C9orf43: variants seen among roughly 807,000 people sequenced by gnomAD.
C9orf43 encodes chromosome 9 open reading frame 43.
C9orf43 carries 45 observed loss-of-function variants against 59.1 expected under a neutral mutation model. The ratio of observed to expected loss-of-function variants is 0.76; its 90% CI spans 0.60 to 0.98. C9orf43 has a LOEUF of 0.98. Among genes scored for constraint, C9orf43 ranks in the 50% least tolerant of loss-of-function variants. The pLI is 0.00. For synonymous variants in C9orf43, 203 were observed against 196.8 expected (o/e 1.03, Z -0.26); for missense variants, 533 against 554.9 (o/e 0.96, Z 0.40).
At position 113,429,527 on chromosome 9, in the gene C9orf43, G is replaced by A; in HGVS notation, c.*141G>A. 1.5e-6 allele frequency: 1 copy of A among 666,854 alleles called. No homozygotes were observed. Among genetic ancestry groups the A allele is most frequent in the South Asian group, 1.9e-5 (1 of 51,412 alleles). The allele number at this position is 666,854 out of a possible 1,614,324, so 41.3% of individuals were successfully genotyped here. On this transcript the variant is annotated 3_prime_UTR_variant, in exon 14 of 14. Transcript: ENST00000374165. ...TCTGCTCTCTGGAGCCTTTACCAGG[G>A]CCTGAGCTCTGAGCTTAGGGATTCC... is the stretch of plus-strand genomic sequence containing the variant.
rs573828696 is a variant in C9orf43 at position 113,425,722 on chromosome 9, G to A, written c.1022G>A (p.Arg341His). The change falls in exon 11 of 14, where the codon CGT becomes CAT. Residue 341 changes from arginine (R) to histidine (H), a missense_variant. Transcript: ENST00000374165. ...CATCCAGTTACCACCGTTCATGACCGTCTCTATGGTAAGGGGAATATATGC... is the reference window on the plus strand; with the variant it reads ...CATCCAGTTACCACCGTTCATGACCATCTCTATGGTAAGGGGAATATATGC... ...HKHPVTTVHDRLYGYRTLPGQ... is the reference protein window; with the variant it reads ...HKHPVTTVHDHLYGYRTLPGQ... 2.7e-5 allele frequency: 44 copies of A among 1,612,378 alleles called. No homozygotes were observed. Among genetic ancestry groups the A allele is most frequent in the South Asian group, 2.6e-4 (24 of 91,046 alleles).
intron 4 of C9orf43, 44 bp from the exon 5 acceptor site, chr9:113,421,059 C>T (rs1269964034): frequency 6.2e-6 from 9 of 1,450,712 alleles, no homozygotes; most frequent in African/African-American, 1.4e-5. Flanking sequence ...GATATAGGAG[C>T]TTAGCACCTC....
chr9:113,423,398 G>C lies in C9orf43; in HGVS notation c.556G>C (p.Val186Leu). 1 of 1,614,070 alleles carries C rather than the reference G, an allele frequency of 6.2e-7. No individual in the cohort carries two copies. ...GTRVGTPGMIVPPPTPVQLSE... is the reference protein window; with the variant it reads ...GTRVGTPGMILPPPTPVQLSE... The stretch of plus-strand genomic sequence containing the variant: ...ACGAGTAGGAACACCAGGGATGATC[G>C]TGCCTCCCCCAACCCCAGTGCAATT... Residue 186 changes from valine (V) to leucine (L), a missense_variant, in exon 7 of 14, where the codon GTG (valine) becomes CTG (leucine). By Grantham distance (32) the Val-to-Leu change is conservative. Transcript: ENST00000374165.
rs72760093 is a variant in C9orf43, at chr9:113,428,889, A to G, written c.1108-11A>G. 0.087 allele frequency: 139,201 copies of G among 1,608,798 alleles called. 7,039 individuals carry two copies. The highest frequency in any genetic ancestry group is 0.095 in the Non-Finnish European group (111,763 of 1,175,142). ...TTGATTCAAATTTCCTTATACCCCA[A>G]TGAATTTCAGGATTCCACGGAGAGA... On this transcript the variant is annotated splice_polypyrimidine_tract_variant and intron_variant, in intron 12 of 13. Transcript: ENST00000374165.
intron 7 of C9orf43, 113 bp downstream of exon 7, chr9:113,423,611 C>A: frequency 1.0e-6 from 1 of 1,004,000 alleles, no homozygotes; most frequent in Admixed American, 2.6e-5. Flanking sequence ...ACTATCACCC[C>A]GATTTGTTTA....
chr9:113,419,059 C>T, intron 3 of C9orf43, 49 bp from the exon 4 acceptor site: 1 of 1,461,738 alleles, frequency 6.8e-7, no homozygotes, highest in South Asian at 1.2e-5. Context: ...CGTTATCATT[C>T]CAATAAGTCT....
At chr9:113,418,936 T>C (rs1283071796) in intron 3 of C9orf43, among the ~76,000 whole-genome samples, 172 bp from the exon 4 acceptor site, 1 of 152,236 alleles carries the variant, frequency 6.6e-6, no homozygotes, top group Non-Finnish European at 1.5e-5. Flanking sequence ...TAAGGAGCTG[T>C]TCCGGGAAAA....
rs1259217108 is a variant in C9orf43 at position 113,420,714 on chromosome 9, A to G, written c.346-389A>G. 26 of 972,926 alleles carry G rather than the reference A, an allele frequency of 2.7e-5. No individual in the cohort carries two copies. The South Asian group carries it at 5.2e-4, about 20-fold the overall frequency. The allele number at this position is 972,926 out of a possible 1,614,324, so 60.3% of individuals were successfully genotyped here. ...AAGAAAACACCTTGCTTCTGTTTCT[A>G]TCAGTTCTCTTCCTGCTCCCAAACT... On this transcript the variant is annotated intron_variant, in intron 4 of 13. Transcript: ENST00000374165.
At chr9:113,426,298 A>G (rs7870451) in intron 11 of C9orf43, among the ~76,000 whole-genome samples, 18,488 of 152,112 alleles carry the variant, frequency 0.12, 1,330 homozygotes, top group African/African-American at 0.19. Flanking sequence ...GCTGGACACA[A>G]GAATGGACAT....
chr9:113,424,479 C>T lies in C9orf43; in HGVS notation c.807+163C>T, dbSNP rs1226369073. On this transcript the variant is annotated intron_variant, in intron 8 of 13. Coordinates refer to ENST00000374165, the MANE Select transcript of C9orf43 (RefSeq NM_001278629.2). ...GGGCTCTATGTATGTAAAAGCCAGTCGATGGGGAAGTGTTGAGAGAGCAAT... is the reference window on the plus strand; with the variant it reads ...GGGCTCTATGTATGTAAAAGCCAGTTGATGGGGAAGTGTTGAGAGAGCAAT... Among the ~76,000 whole-genome samples the T allele has an allele frequency of 2.0e-5, 3 of 151,298 alleles. No homozygotes were observed. The East Asian group carries it at 5.8e-4, about 29-fold the overall frequency.
intron 4 of C9orf43, 152 bp downstream of exon 4, chr9:113,419,317 A>G (rs1192260420): frequency 3.3e-6 from 2 of 612,126 alleles, no homozygotes; most frequent in Non-Finnish European, 5.7e-6. Context: ...CCCTTCCTGT[A>G]TGCTAGACTC....
At chr9:113,428,640 A>G (rs1044959282) in intron 12 of C9orf43, among the ~76,000 whole-genome samples, 2 of 152,158 alleles carry the variant, frequency 1.3e-5, no homozygotes, top group Admixed American at 1.3e-4. Context: ...TGCATACCAG[A>G]ATGGGAGGAA....
rs757185709 is a variant in C9orf43 at position 113,425,003 on chromosome 9, T to C, written c.808-16T>C. ...ACCTGCAGTAGAGCTTTTCTTTTTC[T>C]TTTTTCTTTCTCCAGAGACCAGCAC... On this transcript the variant is annotated splice_polypyrimidine_tract_variant and intron_variant, in intron 8 of 13. Transcript: ENST00000374165. 3.0e-5 allele frequency: 49 copies of C among 1,606,574 alleles called. No homozygotes were observed. Among genetic ancestry groups the C allele is most frequent in the Non-Finnish European group, 4.1e-5 (48 of 1,178,984 alleles).
chr9:113,424,346 C>G, intron 8 of C9orf43, 30 bp downstream of exon 8: 1 of 1,571,766 alleles, frequency 6.4e-7, no homozygotes, highest in Non-Finnish European at 8.6e-7. Context: ...AGGGAAGAAG[C>G]CTATGTGAAA....
Position 113,410,956 on chromosome 9 carries a change from G to A in C9orf43, c.-95G>A. ...GTCTTTTTCCATCTCTACCGAAGTT[G>A]ATGTTCATTTTTAATCTTTTCGCCC... On this transcript the variant is annotated 5_prime_UTR_variant, in exon 1 of 14. An upstream open reading frame in the 5' UTR loses its in-frame stop. Transcript: ENST00000374165. 1.0e-6 allele frequency: 1 copy of A among 986,336 alleles called. No homozygotes were observed. The highest frequency in any genetic ancestry group is 1.2e-6 in the Non-Finnish European group (1 of 830,488). 61.1% of individuals were successfully genotyped at this position (986,336 alleles called of 1,614,324 possible).
Position 113,429,509 on chromosome 9 carries a change from T to G in C9orf43, c.*123T>G. On this transcript the variant is annotated 3_prime_UTR_variant, in exon 14 of 14. Coordinates refer to ENST00000374165, the MANE Select transcript of C9orf43 (RefSeq NM_001278629.2). ...GGCAAGAGGAGAGGGGCTTCTGCTC[T>G]CTGGAGCCTTTACCAGGGCCTGAGC... 2 of 753,252 alleles carry G rather than the reference T, an allele frequency of 2.7e-6. No individual in the cohort carries two copies. The highest frequency in any genetic ancestry group is 4.3e-6 in the Non-Finnish European group (2 of 460,086). The allele number at this position is 753,252 out of a possible 1,614,324, so 46.7% of individuals were successfully genotyped here.
intron 11 of C9orf43, among the ~76,000 whole-genome samples, chr9:113,426,729 C>G (rs1320908250): frequency 6.6e-6 from 1 of 152,176 alleles, no homozygotes; most frequent in Non-Finnish European, 1.5e-5. Context: ...AGGGTGACCA[C>G]TACCACTCCC....
intron 3 of C9orf43, among the ~76,000 whole-genome samples, chr9:113,415,350 G>A (rs1275042411): frequency 6.6e-6 from 1 of 152,168 alleles, no homozygotes; most frequent in East Asian, 1.9e-4. Context: ...CGCCATGTTT[G>A]CCCAGGCTGG....
rs1828251676 is a variant in C9orf43 at position 113,413,596 on chromosome 9, C to T, written c.103C>T (p.His35Tyr). Residue 35 changes from histidine (H) to tyrosine (Y), a missense_variant, in exon 2 of 14, where the codon CAT (histidine) becomes TAT (tyrosine). Coordinates refer to ENST00000374165, the MANE Select transcript of C9orf43 (RefSeq NM_001278629.2). ...WATIRRIERG[H>Y]PRILGSSCKT... ...AACTATCCGCCGCATTGAGAGGGGC[C>T]ATCCTCGAATCCTCGGCTCATCCTG... The T allele has an allele frequency of 6.2e-7, 1 of 1,614,230 alleles. No homozygotes were observed. The highest frequency in any genetic ancestry group is 8.5e-7 in the Non-Finnish European group (1 of 1,180,034).
Sources: allele counts gnomAD v4.1 joint callset (sites outside exome capture counted in the v4.1 genomes callset), GRCh38; gene constraint gnomAD v4.1.1; transcripts MANE v1.5; gene names NCBI Gene and HGNC (gene_info 2026-07-23, HGNC 2026-07-21).